OSBPL9: variants seen among roughly 807,000 people sequenced by gnomAD.
OSBPL9 encodes oxysterol binding protein like 9.
Under a neutral mutation model 106.6 loss-of-function variants are expected in OSBPL9, and 40 were observed. The observed-to-expected ratio is 0.38, with a 90% CI of 0.29 to 0.49. The LOEUF (loss-of-function observed/expected upper bound fraction) is 0.49, where lower values mean the gene tolerates loss of function less well. Among genes scored for constraint, OSBPL9 ranks in the 20% least tolerant of loss-of-function variants. OSBPL9 has a pLI of 0.97. For synonymous variants in OSBPL9, 269 were observed against 295.4 expected, an observed-to-expected ratio of 0.91 and a Z score of 0.92; for missense variants, 609 against 887.2, an observed-to-expected ratio of 0.69 and a Z score of 3.98.
the OSBPL9 span, among the ~76,000 whole-genome samples, chr1:51,543,075 A>G: frequency 6.6e-6 from 1 of 152,200 alleles, no homozygotes; most frequent in South Asian, 2.1e-4. Context: ...TTCTTGTGAG[A>G]CTGTAATCCT....
chr1:51,761,012 C>T (rs1475713754), intron 10 of OSBPL9, among the ~76,000 whole-genome samples: 1 of 152,180 alleles, frequency 6.6e-6, no homozygotes, highest in Non-Finnish European at 1.5e-5. Flanking sequence ...AGATAGAAAA[C>T]AAACTTGGTT....
chr1:51,685,509 G>A (rs1653586132), intron 3 of OSBPL9, among the ~76,000 whole-genome samples: 5 of 152,050 alleles, frequency 3.3e-5, no homozygotes, highest in African/African-American at 9.7e-5. Flanking sequence ...CAGGGTTCAA[G>A]CGATTCTCCT....
chr1:51,547,773 C>A, the OSBPL9 span, among the ~76,000 whole-genome samples: 1 of 152,024 alleles, frequency 6.6e-6, no homozygotes, highest in Non-Finnish European at 1.5e-5. Flanking sequence ...TTGCCTTGAA[C>A]CCAGGAGGTC....
the OSBPL9 span, among the ~76,000 whole-genome samples, chr1:51,526,818 C>A: frequency 2.0e-5 from 3 of 151,970 alleles, no homozygotes; most frequent in African/African-American, 7.3e-5. Context: ...AATCTCGGCT[C>A]ACTGCAACCT....
At chr1:51,527,818 A>G in the OSBPL9 span, among the ~76,000 whole-genome samples, 10 of 152,154 alleles carry the variant, frequency 6.6e-5, no homozygotes, top group African/African-American at 1.7e-4. Flanking sequence ...ATCATGTTAT[A>G]GAAAGGTAAC....
chr1:51,607,482 A>G (rs922134776), intron 2 of OSBPL9, among the ~76,000 whole-genome samples: 1 of 152,130 alleles, frequency 6.6e-6, no homozygotes, highest in African/African-American at 2.4e-5. Flanking sequence ...TTTCTGTAGT[A>G]TATCTATGTA....
At chr1:51,592,240 G>A (rs1000304546) in intron 1 of OSBPL9, among the ~76,000 whole-genome samples, 2 of 144,972 alleles carry the variant, frequency 1.4e-5, no homozygotes, top group African/African-American at 2.5e-5. Context: ...CCAGCCTCCC[G>A]AGTAGCTGGG....
intron 14 of OSBPL9, 35 bp downstream of exon 14, chr1:51,772,758 T>C (rs1225702364): frequency 7.0e-6 from 10 of 1,425,826 alleles, no homozygotes; most frequent in Non-Finnish European, 8.9e-6. Flanking sequence ...TGTGTGGGTA[T>C]GTATGGATTC....
intron 2 of OSBPL9, among the ~76,000 whole-genome samples, chr1:51,666,758 T>G (rs1016091163): frequency 2.0e-5 from 3 of 152,214 alleles, no homozygotes; most frequent in African/African-American, 7.2e-5. Context: ...AGTGGAAATG[T>G]TGGTTGGGCC....
chr1:51,632,885 A>G (rs1315810792), intron 1 of OSBPL9, among the ~76,000 whole-genome samples: 1 of 152,036 alleles, frequency 6.6e-6, no homozygotes, highest in East Asian at 1.9e-4. Flanking sequence ...TTCTGCCTTC[A>G]TTTCTTTTTG....
chr1:51,556,487 C>G, the OSBPL9 span, among the ~76,000 whole-genome samples: 2 of 151,994 alleles, frequency 1.3e-5, no homozygotes, highest in African/African-American at 4.8e-5. Context: ...GAGAGTGGAG[C>G]TGGGGGTAGG....
chr1:51,745,662 A>G (rs571135861), intron 5 of OSBPL9, 31 bp downstream of exon 5: 3 of 1,456,658 alleles, frequency 2.1e-6, no homozygotes, highest in South Asian at 1.5e-5. Flanking sequence ...TTAAATTTAT[A>G]TAAATAGAAA....
At chr1:51,571,072 G>A in the OSBPL9 span, among the ~76,000 whole-genome samples, 3 of 152,188 alleles carry the variant, frequency 2.0e-5, no homozygotes, top group Admixed American at 6.5e-5. Context: ...CACCACACCC[G>A]GCTGGGTCCT....
intron 2 of OSBPL9, among the ~76,000 whole-genome samples, chr1:51,660,506 CAAAAG>C (rs1304618178): frequency 6.6e-6 from 1 of 152,010 alleles, no homozygotes; most frequent in African/African-American, 2.4e-5. Context: ...GTAAAAAAGA[CAAAAG>C]AATTCTCAAA....
intron 1 of OSBPL9, among the ~76,000 whole-genome samples, chr1:51,647,839 G>A (rs947768416): frequency 6.6e-6 from 1 of 152,000 alleles, no homozygotes; most frequent in Admixed American, 6.6e-5. Context: ...TTTTGGCTAG[G>A]CACAGTGGCT....
intron 2 of OSBPL9, among the ~76,000 whole-genome samples, chr1:51,667,833 T>C (rs1648884525): frequency 6.6e-6 from 1 of 152,228 alleles, no homozygotes; most frequent in African/African-American, 2.4e-5. Context: ...GGTTCTGCTG[T>C]TAAGGCTTTG....
chr1:51,718,190 G>A (rs1661422459), intron 4 of OSBPL9, among the ~76,000 whole-genome samples: 1 of 152,134 alleles, frequency 6.6e-6, no homozygotes, highest in African/African-American at 2.4e-5. Context: ...ATAGAATTAT[G>A]GTTACCAGAG....
intron 4 of OSBPL9, among the ~76,000 whole-genome samples, chr1:51,742,081 T>G (rs916032583): frequency 2.6e-5 from 4 of 152,128 alleles, no homozygotes; most frequent in Admixed American, 2.6e-4. Context: ...TGTTGTGGCA[T>G]CAACAATTTC....
rs1557717420 is a variant in OSBPL9 at position 51,708,170 on chromosome 1, G to A, written c.242-5833G>A. On this transcript the variant is annotated intron_variant, in intron 3 of 23. Transcript: ENST00000428468. ...ATGGTGTCTCAGGGACACGGCTGGT[G>A]GTGCATGAGAAGGGGCGGCTGTCTG... 4 of 164,784 alleles carry A rather than the reference G, an allele frequency of 2.4e-5. No individual in the cohort carries two copies. In the South Asian group the frequency reaches 6.6e-4, roughly 27 times the overall value. 10.2% of individuals were successfully genotyped at this position (164,784 alleles called of 1,614,324 possible). A position where few individuals can be genotyped will look rare whatever the true frequency, so the allele number is the denominator to read the frequency against.
Sources: allele counts gnomAD v4.1 joint callset (sites outside exome capture counted in the v4.1 genomes callset), GRCh38; gene constraint gnomAD v4.1.1; transcripts MANE v1.5; gene names NCBI Gene and HGNC (gene_info 2026-07-23, HGNC 2026-07-21).